SHISA9: variants seen among roughly 807,000 people sequenced by gnomAD.
SHISA9 encodes the protein shisa family member 9.
Under a neutral mutation model 38.0 loss-of-function variants are expected in SHISA9, and 13 were observed. The observed-to-expected ratio is 0.34, with a 90% CI of 0.22 to 0.54. The LOEUF is 0.54. SHISA9 is among the 20% of genes least tolerant of loss of function. The pLI is 0.91. For missense variants in SHISA9, 538 were observed against 575.8 expected (o/e 0.93, Z 0.67); for synonymous variants, 275 against 242.0 (o/e 1.14, Z -1.27).
intron 2 of SHISA9, among the ~76,000 whole-genome samples, chr16:13,167,463 G>A (rs747272372): frequency 5.9e-5 from 9 of 152,180 alleles, no homozygotes; most frequent in South Asian, 2.1e-4. Flanking sequence ...TGCCTCTTAC[G>A]TTTCTGGTAA....
intron 2 of SHISA9, among the ~76,000 whole-genome samples, chr16:13,183,026 G>T (rs1379355510): frequency 6.6e-6 from 1 of 152,174 alleles, no homozygotes; most frequent in Admixed American, 6.5e-5. Flanking sequence ...ATCTACACGT[G>T]GCTATTCATG....
At chr16:13,554,315 C>T in the SHISA9 span, among the ~76,000 whole-genome samples, 3 of 143,092 alleles carry the variant, frequency 2.1e-5, no homozygotes, top group South Asian at 4.6e-4. Context: ...AAAAAAAACA[C>T]CTTTCATGCC....
At chr16:13,280,529 T>C in the SHISA9 span, among the ~76,000 whole-genome samples, 1 of 151,774 alleles carries the variant, frequency 6.6e-6, no homozygotes. Context: ...TTTTAAGAAG[T>C]TTTTGAGTCC....
chr16:13,499,693 C>T, the SHISA9 span, among the ~76,000 whole-genome samples: 5 of 152,164 alleles, frequency 3.3e-5, no homozygotes, highest in East Asian at 9.6e-4. Context: ...TGTTTGTCCT[C>T]TGCACATCAG....
In SHISA9 at chr16:13,022,863, A is replaced by C. The variant is rs567918247; in HGVS notation, c.691+106048A>C. On this transcript the variant is annotated intron_variant, in intron 2 of 4. Transcript: ENST00000558583. ...GCAGTCCTCCTGCCTCTGCCTCCCA[A>C]AGTGCTGGGAGCCAGCATACCCAGC... 2.6e-5 allele frequency among the ~76,000 whole-genome samples: 4 copies of C among 151,912 alleles called. No individual in the cohort carries two copies. In the East Asian group the frequency reaches 7.8e-4, roughly 29 times the overall value.
chr16:13,258,394 G>A, the SHISA9 span: 1 of 152,184 alleles, frequency 6.6e-6, no homozygotes, highest in Non-Finnish European at 1.5e-5. Context: ...AGGTTTCTTT[G>A]AAGACTAGAA....
chr16:13,210,072 G>T (rs541044659), intron 3 of SHISA9, among the ~76,000 whole-genome samples: 1 of 152,300 alleles, frequency 6.6e-6, no homozygotes, highest in South Asian at 2.1e-4. Context: ...CTGCACTCCA[G>T]TCTGGGCAAC....
intron 2 of SHISA9, among the ~76,000 whole-genome samples, chr16:12,948,281 G>A (rs1330156067): frequency 6.6e-6 from 1 of 152,124 alleles, no homozygotes; most frequent in East Asian, 1.9e-4. Flanking sequence ...ACAAAACCAA[G>A]CTCTTGAACT....
At chr16:13,521,836 G>A in the SHISA9 span, among the ~76,000 whole-genome samples, 1 of 152,128 alleles carries the variant, frequency 6.6e-6, no homozygotes, top group Admixed American at 6.5e-5. Context: ...AATATCACTT[G>A]TCCCTGAAAA....
At chr16:13,185,210 C>G (rs928808836) in intron 2 of SHISA9, among the ~76,000 whole-genome samples, 12 of 152,146 alleles carry the variant, frequency 7.9e-5, no homozygotes, top group African/African-American at 2.9e-4. Flanking sequence ...TCTTTGTTTG[C>G]TTGTTCTTAG....
At chr16:12,906,303 A>G (rs192904360) in intron 1 of SHISA9, among the ~76,000 whole-genome samples, 1 of 152,292 alleles carries the variant, frequency 6.6e-6, no homozygotes, top group East Asian at 1.9e-4. Context: ...TCGCACCCCC[A>G]TTATAAACTT....
chr16:13,216,624 A>T (rs2051171930), intron 4 of SHISA9, among the ~76,000 whole-genome samples: 1 of 152,114 alleles, frequency 6.6e-6, no homozygotes, highest in Non-Finnish European at 1.5e-5. Flanking sequence ...GTTGCTGGGA[A>T]CCTACTTTGG....
intron 2 of SHISA9, among the ~76,000 whole-genome samples, chr16:12,974,871 C>G (rs1191469632): frequency 1.3e-5 from 2 of 152,118 alleles, no homozygotes; most frequent in African/African-American, 4.8e-5. Flanking sequence ...ACATCTATAA[C>G]TCTATATTTA....
At chr16:13,052,395 G>A (rs2073262938) in intron 2 of SHISA9, among the ~76,000 whole-genome samples, 1 of 152,166 alleles carries the variant, frequency 6.6e-6, no homozygotes, top group Admixed American at 6.5e-5. Context: ...GTATGAGGGA[G>A]CAAAGCAATG....
At position 13,235,370 on chromosome 16, in the gene SHISA9, A is replaced by G. The variant is rs749163369; in HGVS notation, c.1236A>G (p.Pro412=). Residue 412 remains proline, a synonymous_variant, in exon 5 of 5, where the codon CCA becomes CCG. Coordinates refer to ENST00000558583, the MANE Select transcript of SHISA9 (RefSeq NM_001145204.3). ...CCCAGCACTACCCACCCCCACAGCC[A>G]TACTTCATCACCAACAGCAAAACAG... ...TRPQHYPPPQ[P]YFITNSKTEV... 1.6e-5 allele frequency: 24 copies of G among 1,540,274 alleles called. No homozygotes were observed. Among genetic ancestry groups the G allele is most frequent in the South Asian group, 3.6e-5 (3 of 84,012 alleles).
chr16:13,024,032 T>A (rs1037483642), intron 2 of SHISA9, among the ~76,000 whole-genome samples: 1 of 152,302 alleles, frequency 6.6e-6, no homozygotes. Context: ...ATTAGATGCC[T>A]TTTATGTGCG....
chr16:13,534,983 G>A, the SHISA9 span, among the ~76,000 whole-genome samples: 3 of 152,146 alleles, frequency 2.0e-5, no homozygotes, highest in African/African-American at 7.2e-5. Context: ...AGTGGCTCAC[G>A]TTTGTAATCC....
the SHISA9 span, among the ~76,000 whole-genome samples, chr16:13,474,962 C>A: frequency 6.6e-6 from 1 of 152,130 alleles, no homozygotes; most frequent in African/African-American, 2.4e-5. Context: ...ACTGGGTAAA[C>A]CAAGCTCAGG....
chr16:13,507,397 T>C, the SHISA9 span, among the ~76,000 whole-genome samples: 3 of 152,044 alleles, frequency 2.0e-5, no homozygotes, highest in East Asian at 5.8e-4. Context: ...GGATTAAGCA[T>C]TGGCTTCTTT....
Sources: gnomAD v4.1 joint callset for allele counts (sites outside exome capture counted in the v4.1 genomes callset) on GRCh38, gnomAD v4.1.1 for gene constraint, MANE v1.5 for transcripts, NCBI Gene and HGNC (gene_info 2026-07-23, HGNC 2026-07-21) for gene names.